The following SLCO3A1 variants were observed in gnomAD, a reference collection of about 807,000 sequenced individuals.
SLCO3A1 encodes the protein solute carrier organic anion transporter family member 3A1.
SLCO3A1 carries 27 observed loss-of-function variants against 63.1 expected under a neutral mutation model. The observed-to-expected ratio is 0.43, with a 90% CI of 0.32 to 0.59. SLCO3A1 has a LOEUF of 0.59. Ranked by LOEUF, SLCO3A1 falls within the 20% of genes least tolerant of loss-of-function variation. SLCO3A1 has a pLI of 0.09. For missense variants in SLCO3A1, 773 were observed against 945.8 expected (o/e 0.82, Z 2.40); for synonymous variants, 473 against 409.9 (o/e 1.15, Z -1.86).
At chr15:92,009,616 C>G (rs561630643) in intron 2 of SLCO3A1, among the ~76,000 whole-genome samples, 16 of 152,274 alleles carry the variant, frequency 1.1e-4, no homozygotes, top group African/African-American at 3.6e-4. Flanking sequence ...GGCAGGTCAT[C>G]AAAGGTCAAC....
chr15:91,961,516 G>T (rs528252842), intron 2 of SLCO3A1, among the ~76,000 whole-genome samples: 1 of 152,354 alleles, frequency 6.6e-6, no homozygotes, highest in South Asian at 2.1e-4. Flanking sequence ...CTCAGTCCAA[G>T]GTGTGTGGGA....
intron 1 of SLCO3A1, among the ~76,000 whole-genome samples, chr15:91,913,729 T>C (rs913753503): frequency 6.6e-6 from 1 of 152,234 alleles, no homozygotes; most frequent in Non-Finnish European, 1.5e-5. Flanking sequence ...TTTACAACAG[T>C]GTCCATATTT....
chr15:91,966,172 C>T (rs1900653829), intron 2 of SLCO3A1, among the ~76,000 whole-genome samples: 2 of 152,150 alleles, frequency 1.3e-5, no homozygotes, highest in Non-Finnish European at 2.9e-5. Context: ...CAGACAGAAA[C>T]AGGGGCCTCG....
At chr15:92,039,483 G>C (rs576523738) in intron 2 of SLCO3A1, among the ~76,000 whole-genome samples, 19 of 152,278 alleles carry the variant, frequency 1.2e-4, no homozygotes, top group African/African-American at 4.6e-4. Context: ...CCATATCACT[G>C]ATCATTAGAG....
At chr15:91,989,112 G>T (rs1267527070) in intron 2 of SLCO3A1, among the ~76,000 whole-genome samples, 1 of 152,100 alleles carries the variant, frequency 6.6e-6, no homozygotes, top group Admixed American at 6.5e-5. Flanking sequence ...ACCATCACTC[G>T]CAGATAAGCC....
intron 2 of SLCO3A1, among the ~76,000 whole-genome samples, chr15:91,962,719 C>T (rs1240490532): frequency 6.6e-6 from 1 of 152,048 alleles, no homozygotes; most frequent in African/African-American, 2.4e-5. Flanking sequence ...CAGTGCACCC[C>T]ATCCCCAGCA....
At chr15:91,918,089 T>TCTGG (rs10693224) in intron 2 of SLCO3A1, among the ~76,000 whole-genome samples, 30,315 of 152,150 alleles carry the variant, frequency 0.2, 3,485 homozygotes, top group Non-Finnish European at 0.27. Flanking sequence ...TGAACCCTCT[T>TCTGG]CTGGAAGTGT....
At chr15:91,949,777 G>A (rs192448489) in intron 2 of SLCO3A1, among the ~76,000 whole-genome samples, 26 of 152,110 alleles carry the variant, frequency 1.7e-4, no homozygotes, top group African/African-American at 4.8e-4. Flanking sequence ...CAGGAGGATC[G>A]CTTGAGGCCT....
At chr15:92,153,836 T>C (rs2151596189) in intron 9 of SLCO3A1, among the ~76,000 whole-genome samples, 1 of 151,948 alleles carries the variant, frequency 6.6e-6, no homozygotes, top group East Asian at 1.9e-4. Context: ...GTTTGGGGGC[T>C]GCAGAAGGCC....
chr15:92,040,681 A>G (rs1344363188), intron 2 of SLCO3A1, among the ~76,000 whole-genome samples: 1 of 152,174 alleles, frequency 6.6e-6, no homozygotes, highest in African/African-American at 2.4e-5. Context: ...CAATACTACC[A>G]GCCTCTCCCA....
chr15:91,879,219 C>T (rs372550354), intron 1 of SLCO3A1, among the ~76,000 whole-genome samples: 1 of 152,044 alleles, frequency 6.6e-6, no homozygotes, highest in East Asian at 1.9e-4. Flanking sequence ...ATTGCTTGAC[C>T]CTGAGTGGGT....
intron 2 of SLCO3A1, among the ~76,000 whole-genome samples, chr15:92,000,971 G>T (rs1167329447): frequency 6.6e-6 from 1 of 152,086 alleles, no homozygotes; most frequent in African/African-American, 2.4e-5. Context: ...CTGTCATCGA[G>T]AGCAAGGCTG....
In SLCO3A1 at chr15:91,954,169, C is replaced by A. The variant is rs957326367; in HGVS notation, c.646+37711C>A. ...GTGAAGATAGTTTTGACCTCCTAGA[C>A]CTCTCTGCTCAAGGGTGTTAGAGAC... is the stretch of plus-strand genomic sequence containing the variant. On this transcript the variant is annotated intron_variant, in intron 2 of 9. Coordinates refer to ENST00000318445, the MANE Select transcript of SLCO3A1 (RefSeq NM_013272.4). The surrounding 1 kb of genome is among the most constrained non-coding windows in gnomAD (Gnocchi z 4.7). Among the ~76,000 whole-genome samples the A allele has an allele frequency of 2.0e-5, 3 of 152,190 alleles. No homozygotes were observed. Among genetic ancestry groups the A allele is most frequent in the South Asian group, 4.1e-4 (2 of 4,832 alleles).
chr15:92,109,250 C>T (rs992709677), intron 4 of SLCO3A1, among the ~76,000 whole-genome samples: 15 of 152,108 alleles, frequency 9.9e-5, no homozygotes, highest in African/African-American at 3.1e-4. Context: ...TGAACCCGGG[C>T]GAAGGCTCCA....
chr15:91,921,921 G>C (rs1898859973), intron 2 of SLCO3A1, among the ~76,000 whole-genome samples: 1 of 151,736 alleles, frequency 6.6e-6, no homozygotes. Context: ...TTTTAGTAAA[G>C]ACAGGGTTTC....
In SLCO3A1 at chr15:91,883,187, C is replaced by CT. The variant is rs1366363636; in HGVS notation, c.180+29105dup. ...GGATAACAAAGTATCCCTCCTTCCC[C>CT]TTTTTTAACAGCGGGCAGTAAGTGG... is the stretch of plus-strand genomic sequence containing the variant. On this transcript the variant is annotated intron_variant, in intron 1 of 9. Transcript: ENST00000318445. The surrounding 1 kb of genome is among the most constrained non-coding windows in gnomAD (Gnocchi z 4.8). Among the ~76,000 whole-genome samples, 1 of 152,208 alleles carries CT rather than the reference C, an allele frequency of 6.6e-6. No individual in the cohort carries two copies. Among genetic ancestry groups the CT allele is most frequent in the African/African-American group, 2.4e-5 (1 of 41,474 alleles).
intron 2 of SLCO3A1, among the ~76,000 whole-genome samples, chr15:92,031,747 A>G (rs930221961): frequency 3.7e-4 from 56 of 152,216 alleles, no homozygotes; most frequent in African/African-American, 1.3e-3. Context: ...TAATAATCAC[A>G]TCAGGGTCAA....
intron 4 of SLCO3A1, among the ~76,000 whole-genome samples, chr15:92,116,520 G>A (rs542813642): frequency 1.2e-4 from 19 of 152,316 alleles, no homozygotes; most frequent in Admixed American, 8.5e-4. Context: ...AGGCTAAATC[G>A]GTAGGCGGGG....
At chr15:92,064,514 C>G (rs2047125390) in intron 2 of SLCO3A1, among the ~76,000 whole-genome samples, 1 of 152,156 alleles carries the variant, frequency 6.6e-6, no homozygotes, top group African/African-American at 2.4e-5. Context: ...GAAATCTTTG[C>G]CCAGACCAGT....
Sources: allele counts gnomAD v4.1 joint callset (sites outside exome capture counted in the v4.1 genomes callset), GRCh38; gene constraint gnomAD v4.1.1; non-coding constraint Gnocchi (gnomAD v3.1); transcripts MANE v1.5; gene names NCBI Gene and HGNC (gene_info 2026-07-23, HGNC 2026-07-21).